POLD1: variants seen among roughly 807,000 people sequenced by gnomAD.
The protein encoded by POLD1 is DNA polymerase delta catalytic subunit.
Under a neutral mutation model 129.7 loss-of-function variants are expected in POLD1, and 79 were observed. The ratio of observed to expected loss-of-function variants is 0.61; its 90% CI spans 0.51 to 0.73. The LOEUF (loss-of-function observed/expected upper bound fraction) is 0.73, where lower values mean the gene tolerates loss of function less well. Among genes scored for constraint, POLD1 ranks in the 30% least tolerant of loss-of-function variants. The probability of loss-of-function intolerance (pLI) is 0.00; values close to 1 mark genes in which losing one functional copy is unlikely to be tolerated. For synonymous variants in POLD1, 714 were observed against 683.3 expected, an observed-to-expected ratio of 1.04 and a Z score of -0.70; for missense variants, 1,338 against 1,595.8, an observed-to-expected ratio of 0.84 and a Z score of 2.75.
In POLD1 at chr19:50,406,108, G is replaced by T. The variant is rs2122313129; in HGVS notation, c.1243-74G>T. On this transcript the variant is annotated intron_variant, in intron 10 of 26. Coordinates refer to ENST00000440232, the MANE Select transcript of POLD1 (RefSeq NM_002691.4). This position sits in a 1 kb window ranked among gnomAD's most constrained non-coding sequence, Gnocchi z 5.5. ...GGTTGTTATAAGGATGTTGTGGTTGGTCTCAATCTCCGTTCTTCAGGCTTA... is the reference window on the plus strand; with the variant it reads ...GGTTGTTATAAGGATGTTGTGGTTGTTCTCAATCTCCGTTCTTCAGGCTTA... The T allele has an allele frequency of 1.9e-6, 3 of 1,548,902 alleles. No individual in the cohort carries two copies. Among genetic ancestry groups the T allele is most frequent in the East Asian group, 2.3e-5 (1 of 44,196 alleles).
intron 1 of POLD1, among the ~76,000 whole-genome samples, chr19:50,390,882 C>G (rs186913994): frequency 6.6e-6 from 1 of 152,036 alleles, no homozygotes; most frequent in Non-Finnish European, 1.5e-5. Flanking sequence ...TCAGAGAGCA[C>G]GGGGTTGGGG....
chr19:50,409,729 G>T lies in POLD1; in HGVS notation c.2154+63G>T, dbSNP rs1333826583. ...GTGGGCCCCCTGTGTAGGAGACCAGGGCTCCATGTGGGGGACCTGTATCCA... is the reference window on the plus strand; with the variant it reads ...GTGGGCCCCCTGTGTAGGAGACCAGTGCTCCATGTGGGGGACCTGTATCCA... On this transcript the variant is annotated intron_variant, in intron 17 of 26. Coordinates refer to ENST00000440232, the MANE Select transcript of POLD1 (RefSeq NM_002691.4). The surrounding 1 kb of genome is among the most constrained non-coding windows in gnomAD (Gnocchi z 5.8). 2.0e-5 allele frequency: 30 copies of T among 1,507,346 alleles called. No individual in the cohort carries two copies. Among genetic ancestry groups the T allele is most frequent in the Middle Eastern group, 2.4e-4 (1 of 4,104 alleles). The allele number at this position is 1,507,346 out of a possible 1,614,324, so 93.4% of individuals were successfully genotyped here. A position where few individuals can be genotyped will look rare whatever the true frequency, so the allele number is the denominator to read the frequency against.
intron 1 of POLD1, among the ~76,000 whole-genome samples, chr19:50,389,942 A>G (rs35471967): frequency 0.13 from 15,989 of 124,488 alleles, 981 homozygotes; most frequent in Middle Eastern, 0.26. Context: ...ACAGAGCCTC[A>G]TTGTCACCCA....
In POLD1 at chr19:50,409,012, G is replaced by T; in HGVS notation, c.1893-110G>T. 7.4e-7 allele frequency: 1 copy of T among 1,353,472 alleles called. No individual in the cohort carries two copies. 83.8% of individuals were successfully genotyped at this position (1,353,472 alleles called of 1,614,324 possible). ...AGGCCCAGAGATAGTAGGGAGTGGA[G>T]GGGTGCTTGAGGGGCCTGCGTGTGC... On this transcript the variant is annotated intron_variant, in intron 15 of 26. Coordinates refer to ENST00000440232, the MANE Select transcript of POLD1 (RefSeq NM_002691.4). The surrounding 1 kb of genome is among the most constrained non-coding windows in gnomAD (Gnocchi z 5.8).
chr19:50,405,901 AG>A lies in POLD1; in HGVS notation c.1243-279del, dbSNP rs771091889. On this transcript the variant is annotated intron_variant, in intron 10 of 26. Transcript: ENST00000440232. Reference sequence around the variant, plus strand: ...CCAAATCTCTTCCTGTTTCCTGCCTAGGTACAGCCCGCAGACACTGGGCTCC... The same window carrying A: ...CCAAATCTCTTCCTGTTTCCTGCCTAGTACAGCCCGCAGACACTGGGCTCC... Among the ~76,000 whole-genome samples, 94 of 152,100 alleles carry A rather than the reference AG, an allele frequency of 6.2e-4. 1 individual carries two copies. Among genetic ancestry groups the A allele is most frequent in the Admixed American group, 2.0e-4 (3 of 15,294 alleles).
At position 50,409,564 on chromosome 19, in the gene POLD1, G is replaced by A; in HGVS notation, c.2052G>A (p.Gln684=). 6.2e-7 allele frequency: 1 copy of A among 1,613,510 alleles called. No homozygotes were observed. The highest frequency in any genetic ancestry group is 1.1e-5 in the South Asian group (1 of 91,086). ...LAKETDPLRR[Q]VLDGRQLALK... ...AGGAGACAGACCCCCTCCGGCGCCAGGTCCTGGATGGACGGCAGCTGGCGC... is the reference window on the plus strand; with the variant it reads ...AGGAGACAGACCCCCTCCGGCGCCAAGTCCTGGATGGACGGCAGCTGGCGC... The change falls in exon 17 of 27, where the codon CAG becomes CAA. Residue 684 remains glutamine, a synonymous_variant. Transcript: ENST00000440232. The surrounding 1 kb of genome is among the most constrained non-coding windows in gnomAD (Gnocchi z 5.8).
At position 50,409,428 on chromosome 19, in the gene POLD1, G is replaced by A. The variant is rs1312558731; in HGVS notation, c.2007-91G>A. The A allele has an allele frequency of 9.6e-6, 15 of 1,557,236 alleles. No individual in the cohort carries two copies. Among genetic ancestry groups the A allele is most frequent in the Middle Eastern group, 1.7e-4 (1 of 5,848 alleles). On this transcript the variant is annotated intron_variant, in intron 16 of 26. Coordinates refer to ENST00000440232, the MANE Select transcript of POLD1 (RefSeq NM_002691.4). The surrounding 1 kb of genome is among the most constrained non-coding windows in gnomAD (Gnocchi z 5.8). ...GAAGCTTCTGTGCAGTGCACAGTAC[G>A]CCCAACCGTACATGGCACTCACTTC...
At chr19:50,393,774 A>T (rs1167886414) in intron 1 of POLD1, among the ~76,000 whole-genome samples, 1 of 152,184 alleles carries the variant, frequency 6.6e-6, no homozygotes, top group African/African-American at 2.4e-5. Context: ...CCCCTACAGA[A>T]AACCCCATAC....
chr19:50,410,485 C>T (rs553034835), intron 17 of POLD1, among the ~76,000 whole-genome samples: 7 of 152,172 alleles, frequency 4.6e-5, no homozygotes, highest in African/African-American at 1.7e-4. Context: ...ACCCGCAGTT[C>T]TGGGGGTCCC....
At chr19:50,396,372 G>A (rs552019226) in intron 1 of POLD1, among the ~76,000 whole-genome samples, 1 of 151,350 alleles carries the variant, frequency 6.6e-6, no homozygotes, top group East Asian at 2.0e-4. Flanking sequence ...TACAGCGTGG[G>A]CCACCGTGCC....
intron 20 of POLD1, 61 bp downstream of exon 20, chr19:50,415,051 A>G: frequency 1.4e-6 from 2 of 1,393,162 alleles, no homozygotes; most frequent in Non-Finnish European, 1.9e-6. Context: ...CCTCCCTCAG[A>G]CCCAGGAGTC....
chr19:50,407,220 T>C, intron 13 of POLD1, 46 bp downstream of exon 13: 1 of 1,565,498 alleles, frequency 6.4e-7, no homozygotes, highest in Non-Finnish European at 8.7e-7. Flanking sequence ...CAGGCACGTC[T>C]GTGGCCCCCT....
rs2122450868 is a variant in POLD1 at position 50,413,850 on chromosome 19, C to G, written c.2359C>G (p.Pro787Ala). Residue 787 changes from proline to alanine, a missense_variant, in exon 19 of 27, where the codon CCG becomes GCG. Pro to Ala is a conservative substitution (Grantham distance 27). This residue lies in a region of POLD1 where 720 missense variants were observed against 1,002.6 expected (regional missense o/e 0.72). Coordinates refer to ENST00000440232, the MANE Select transcript of POLD1 (RefSeq NM_002691.4). ...CGCGGACTGGGTGTCAGGTCACTTC[C>G]CGTCGCCCATCCGGCTGGAGTTTGA... ...EAADWVSGHF[P>A]SPIRLEFEKV... The G allele has an allele frequency of 6.2e-7, 1 of 1,608,824 alleles. No individual in the cohort carries two copies. Among genetic ancestry groups the G allele is most frequent in the Non-Finnish European group, 8.5e-7 (1 of 1,177,542 alleles).
chr19:50,405,056 C>T (rs1411365186), intron 10 of POLD1, among the ~76,000 whole-genome samples: 2 of 152,098 alleles, frequency 1.3e-5, no homozygotes, highest in Non-Finnish European at 2.9e-5. Context: ...TGAGCCACCG[C>T]GCCTGGCCTA....
intron 22 of POLD1, 80 bp downstream of exon 22, chr19:50,415,906 A>AGGCCCCACCCTTCCCGC: frequency 9.0e-7 from 1 of 1,113,016 alleles, no homozygotes; most frequent in Non-Finnish European, 1.2e-6. Context: ...GGCCTGCGGG[A>AGGCCCCACCCTTCCCGC]AGGGTGGGGC....
intron 22 of POLD1, 58 bp from the exon 23 acceptor site, chr19:50,416,338 G>A (rs1003945902): frequency 1.4e-5 from 21 of 1,531,442 alleles, no homozygotes; most frequent in African/African-American, 9.6e-5. Context: ...TGACCACCCC[G>A]TGTCCACCCC....
At chr19:50,394,963 G>C (rs1233898518) in intron 1 of POLD1, 2 of 151,250 alleles carry the variant, frequency 1.3e-5, no homozygotes, top group Non-Finnish European at 2.9e-5. Context: ...AGCCTCCCAA[G>C]TAGCTGGGGT....
rs1568635856 is a variant in POLD1, at chr19:50,413,864, G to A, written c.2373G>A (p.Arg791=). ...CAGGTCACTTCCCGTCGCCCATCCG[G>A]CTGGAGTTTGAGAAGGTGCGTGGCT... The part of the protein sequence containing the change: ...WVSGHFPSPI[R]LEFEKVYFPY... The change falls in exon 19 of 27, where the codon CGG becomes CGA. Residue 791 remains arginine, a synonymous_variant. Coordinates refer to ENST00000440232, the MANE Select transcript of POLD1 (RefSeq NM_002691.4). 1 of 1,603,878 alleles carries A rather than the reference G, an allele frequency of 6.2e-7. No homozygotes were observed.
intron 22 of POLD1, 68 bp downstream of exon 22, chr19:50,415,894 C>T (rs1568639035): frequency 4.5e-5 from 53 of 1,187,442 alleles, no homozygotes; most frequent in East Asian, 1.5e-4. Flanking sequence ...CCGAGATGGG[C>T]GGGCCTGCGG....
Sources: allele counts gnomAD v4.1 joint callset (sites outside exome capture counted in the v4.1 genomes callset), GRCh38; gene constraint gnomAD v4.1.1; regional missense constraint gnomAD v4.1.1; non-coding constraint Gnocchi (gnomAD v3.1); transcripts MANE v1.5; gene names NCBI Gene and HGNC (gene_info 2026-07-23, HGNC 2026-07-21).